Variants in FGF2 observed in about 807,000 individuals in gnomAD.
FGF2 encodes the protein basic fibroblast growth factor bFGF.
In FGF2, 13 loss-of-function variants were observed where a neutral mutation model predicts 15.9. That is an observed-to-expected ratio of 0.82 (90% CI 0.53 to 1.30). The LOEUF (loss-of-function observed/expected upper bound fraction) is 1.30. Among genes scored for constraint, FGF2 ranks in the 50% most tolerant of loss-of-function variants. The pLI is 0.00. For missense variants in FGF2, 163 were observed against 196.9 expected, an observed-to-expected ratio of 0.83 and a Z score of 1.03; for synonymous variants, 90 against 78.4, an observed-to-expected ratio of 1.15 and a Z score of -0.78.
At chr4:122,842,802 C>A (rs1044551666) in intron 1 of FGF2, among the ~76,000 whole-genome samples, 10 of 152,190 alleles carry the variant, frequency 6.6e-5, no homozygotes, top group African/African-American at 2.4e-4. Context: ...ATAATAATCT[C>A]ACTCCTGGCT....
At chr4:122,862,051 A>G (rs774527271) in intron 1 of FGF2, among the ~76,000 whole-genome samples, 19 of 152,170 alleles carry the variant, frequency 1.2e-4, no homozygotes, top group Admixed American at 2.0e-4. Flanking sequence ...TCCGTGTACC[A>G]GTCCTCATCG....
At chr4:122,850,290 G>C (rs967816438) in intron 1 of FGF2, among the ~76,000 whole-genome samples, 4 of 151,838 alleles carry the variant, frequency 2.6e-5, no homozygotes, top group African/African-American at 4.8e-5. Context: ...AAAAGATACA[G>C]TAAAAGTTGT....
At chr4:122,845,582 G>A (rs754612856) in intron 1 of FGF2, among the ~76,000 whole-genome samples, 1 of 152,206 alleles carries the variant, frequency 6.6e-6, no homozygotes, top group Non-Finnish European at 1.5e-5. Flanking sequence ...TTCTACATCA[G>A]CACTGTCTGT....
chr4:122,893,111 A>AT lies in FGF2; in HGVS notation c.*716dup, dbSNP rs1560762180. ...TGGCTTTAGGCGGCAGATGATATAC[A>AT]TATCTGACTTCCCAAAAGCTCCAGG... On this transcript the variant is annotated 3_prime_UTR_variant, in exon 3 of 3. Transcript: ENST00000644866. The AT allele has an allele frequency of 1.6e-5, 26 of 1,614,210 alleles. No individual in the cohort carries two copies. Among genetic ancestry groups the AT allele is most frequent in the Non-Finnish European group, 2.1e-5 (25 of 1,180,040 alleles).
chr4:122,858,929 A>G (rs1177677192), intron 1 of FGF2, among the ~76,000 whole-genome samples: 1 of 150,164 alleles, frequency 6.7e-6, no homozygotes, highest in Non-Finnish European at 1.5e-5. Context: ...TGGAAAGCGA[A>G]CACACTCTAT....
chr4:122,846,987 C>T (rs865863980), intron 1 of FGF2, among the ~76,000 whole-genome samples: 12 of 152,186 alleles, frequency 7.9e-5, no homozygotes, highest in Admixed American at 3.9e-4. Flanking sequence ...GGCCTGTGCC[C>T]GCGCATTACA....
intron 1 of FGF2, among the ~76,000 whole-genome samples, chr4:122,830,383 C>T (rs1177545092): frequency 3.9e-4 from 59 of 151,740 alleles, no homozygotes; most frequent in Admixed American, 3.9e-3. Flanking sequence ...GATGACACAA[C>T]ACAAATGTTT....
chr4:122,827,376 G>T lies in FGF2; in HGVS notation c.178+24G>T. 6.2e-7 allele frequency: 1 copy of T among 1,611,660 alleles called. No individual in the cohort carries two copies. The highest frequency in any genetic ancestry group is 8.5e-7 in the Non-Finnish European group (1 of 1,179,180). ...CAGTGAGTGCCGACCCGCTCTCTCC[G>T]CCTCATTTCCATTTCGTGGGTTCTC... On this transcript the variant is annotated intron_variant, in intron 1 of 2. Transcript: ENST00000644866. This position sits in a 1 kb window ranked among gnomAD's most constrained non-coding sequence, Gnocchi z 4.2.
chr4:122,862,834 G>A (rs925237680), intron 1 of FGF2, among the ~76,000 whole-genome samples: 128 of 152,248 alleles, frequency 8.4e-4, no homozygotes, highest in African/African-American at 2.8e-3. Flanking sequence ...ATTTGTCTAA[G>A]TTTAGGTCTT....
intron 1 of FGF2, among the ~76,000 whole-genome samples, chr4:122,872,474 TC>T (rs1414796214): frequency 6.6e-6 from 1 of 151,568 alleles, no homozygotes; most frequent in Non-Finnish European, 1.5e-5. Context: ...CAGGAGAACT[TC>T]CCCAACTTAG....
intron 1 of FGF2, among the ~76,000 whole-genome samples, chr4:122,871,090 C>T (rs1484775775): frequency 2.0e-5 from 3 of 152,158 alleles, no homozygotes; most frequent in Non-Finnish European, 4.4e-5. Flanking sequence ...ACCCAGGAGT[C>T]ATTCAGGAGC....
chr4:122,852,064 ATATCTTATCTGTCC>A (rs1726243160), intron 1 of FGF2, among the ~76,000 whole-genome samples: 1 of 152,186 alleles, frequency 6.6e-6, no homozygotes. Context: ...CTCAAAGCTT[ATATCTTATCTGTCC>A]TCCACTGCTT....
intron 1 of FGF2, among the ~76,000 whole-genome samples, chr4:122,862,149 C>CATAG (rs916392640): frequency 2.0e-5 from 3 of 152,200 alleles, no homozygotes; most frequent in African/African-American, 7.2e-5. Flanking sequence ...GTACCTGGCA[C>CATAG]ATAGCTGTTA....
rs1214946182 is a variant in FGF2 at position 122,894,590 on chromosome 4, AAAAG to A, written c.*2196_*2199del. 6.6e-6 allele frequency: 1 copy of A among 152,134 alleles called. No individual in the cohort carries two copies. The highest frequency in any genetic ancestry group is 1.5e-5 in the Non-Finnish European group (1 of 68,018). The allele number at this position is 152,134 out of a possible 1,614,324, so 9.4% of individuals were successfully genotyped here. On this transcript the variant is annotated 3_prime_UTR_variant, in exon 3 of 3. Transcript: ENST00000644866. ...CAACAGAGTGAGACTTTGTCTCAAAAAAAGAGAAATTTTCCTTAATAAGAAAAGT... is the reference window on the plus strand; with the variant it reads ...CAACAGAGTGAGACTTTGTCTCAAAAAGAAATTTTCCTTAATAAGAAAAGT...
chr4:122,882,251 A>T (rs1726974836), intron 2 of FGF2: 1 of 152,206 alleles, frequency 6.6e-6, no homozygotes, highest in South Asian at 2.1e-4. Flanking sequence ...GCACTGGCTG[A>T]ATATTGATTC....
chr4:122,861,538 A>C (rs932634508), intron 1 of FGF2, among the ~76,000 whole-genome samples: 1 of 150,634 alleles, frequency 6.6e-6, no homozygotes, highest in Non-Finnish European at 1.5e-5. Flanking sequence ...CCTTCTCCTC[A>C]TAGCCCCTGT....
intron 1 of FGF2, among the ~76,000 whole-genome samples, chr4:122,829,860 A>ATT (rs1312768476): frequency 1.3e-5 from 2 of 152,186 alleles, no homozygotes; most frequent in Non-Finnish European, 2.9e-5. Flanking sequence ...ACAGTATATT[A>ATT]TTTTCTCACA....
At position 122,854,976 on chromosome 4, in the gene FGF2, GCTC is replaced by G. The variant is rs1185836379; in HGVS notation, c.179-21334_179-21332del. ...TGCCCCTACTTGCCTTTCCCCCAAA[GCTC>G]CTCCTCCTCCGGGCACACACATGCC... On this transcript the variant is annotated intron_variant, in intron 1 of 2. Coordinates refer to ENST00000644866, the MANE Select transcript of FGF2 (RefSeq NM_001361665.2). Among the ~76,000 whole-genome samples the G allele has an allele frequency of 3.3e-5, 5 of 152,156 alleles. No homozygotes were observed. The East Asian group carries it at 7.7e-4, about 24-fold the overall frequency.
intron 1 of FGF2, among the ~76,000 whole-genome samples, chr4:122,843,965 T>C (rs1246061203): frequency 6.6e-6 from 1 of 152,242 alleles, no homozygotes; most frequent in African/African-American, 2.4e-5. Flanking sequence ...TTAGGGTTGC[T>C]GCGGCAATTT....
Sources: gnomAD v4.1 joint callset for allele counts (sites outside exome capture counted in the v4.1 genomes callset) on GRCh38, gnomAD v4.1.1 for gene constraint, Gnocchi (gnomAD v3.1) non-coding constraint, MANE v1.5 for transcripts, NCBI Gene and HGNC (gene_info 2026-07-23, HGNC 2026-07-21) for gene names.